The following RPH3AL variants were observed in gnomAD, a reference collection of about 807,000 sequenced individuals.
RPH3AL encodes the protein rabphilin 3A like (without C2 domains).
RPH3AL carries 38 observed loss-of-function variants against 43.1 expected under a neutral mutation model. That is an observed-to-expected ratio of 0.88 (90% CI 0.68 to 1.15). RPH3AL has a LOEUF of 1.15. Among genes scored for constraint, RPH3AL ranks in the 50% most tolerant of loss-of-function variants. RPH3AL has a pLI of 0.00. For synonymous variants in RPH3AL, 189 were observed against 176.3 expected, an observed-to-expected ratio of 1.07 and a Z score of -0.57; for missense variants, 462 against 423.2, an observed-to-expected ratio of 1.09 and a Z score of -0.81.
chr17:253,783 C>T (rs377440733), intron 6 of RPH3AL, among the ~76,000 whole-genome samples: 2,766 of 85,286 alleles, frequency 0.032, 137 homozygotes, highest in East Asian at 0.063. Flanking sequence ...AGCCGCACGG[C>T]GTCTGTCCTT....
At position 243,578 on chromosome 17, in the gene RPH3AL, A is replaced by G. The variant is rs529968082; in HGVS notation, c.613+3533T>C. On this transcript the variant is annotated intron_variant, in intron 7 of 9. Coordinates refer to ENST00000331302, the MANE Select transcript of RPH3AL (RefSeq NM_006987.4). ...ACTGATTGCCCCTCCTCTACTGATT[A>G]CCCTTCCTCTATTGATTACCCTTCC... Among the ~76,000 whole-genome samples, 54 of 114,272 alleles carry G rather than the reference A, an allele frequency of 4.7e-4. 1 individual carries two copies. Among genetic ancestry groups the G allele is most frequent in the Non-Finnish European group, 6.2e-4 (36 of 57,846 alleles). 75.0% of individuals were successfully genotyped at this position (114,272 alleles called of 152,430 possible).
intron 6 of RPH3AL, among the ~76,000 whole-genome samples, chr17:269,868 G>A (rs1272388519): frequency 2.0e-5 from 3 of 152,206 alleles, no homozygotes; most frequent in Non-Finnish European, 4.4e-5. Flanking sequence ...GTGGGCTCAG[G>A]TAGACGCCCC....
intron 5 of RPH3AL, among the ~76,000 whole-genome samples, chr17:297,388 C>A (rs1327420186): frequency 2.0e-5 from 3 of 152,238 alleles, no homozygotes; most frequent in African/African-American, 7.2e-5. Context: ...AACCCCGATT[C>A]ACAGCCAGCT....
chr17:233,989 A>C (rs75731190), intron 7 of RPH3AL, among the ~76,000 whole-genome samples: 628 of 54,484 alleles, frequency 0.012, 5 homozygotes, highest in African/African-American at 0.014. Context: ...GCGGCTACTT[A>C]CCCTGACCAA....
At position 328,180 on chromosome 17, in the gene RPH3AL, T is replaced by G. The variant is rs1598141776; in HGVS notation, c.-36-601A>C. On this transcript the variant is annotated intron_variant, in intron 2 of 9. Transcript: ENST00000331302. The surrounding 1 kb of genome is among the most constrained non-coding windows in gnomAD (Gnocchi z 4.2). ...CCGTCCATAGACACTGCCATGAAAA[T>G]GGCACCTGGGGATCCCCCAGGGAGG... Among the ~76,000 whole-genome samples, 1 of 151,148 alleles carries G rather than the reference T, an allele frequency of 6.6e-6. No individual in the cohort carries two copies. The highest frequency in any genetic ancestry group is 1.5e-5 in the Non-Finnish European group (1 of 67,860).
Position 333,540 on chromosome 17 carries a change from A to G in RPH3AL, c.-37+219T>C, listed in dbSNP as rs903260324. 4 of 307,940 alleles carry G rather than the reference A, an allele frequency of 1.3e-5. No individual in the cohort carries two copies. The highest frequency in any genetic ancestry group is 5.8e-5 in the South Asian group (2 of 34,438). The allele number at this position is 307,940 out of a possible 1,614,324, so 19.1% of individuals were successfully genotyped here. On this transcript the variant is annotated intron_variant, in intron 2 of 9. Coordinates refer to ENST00000331302, the MANE Select transcript of RPH3AL (RefSeq NM_006987.4). This position sits in a 1 kb window ranked among gnomAD's most constrained non-coding sequence, Gnocchi z 4.5. ...ACCTTGTGCTTTCCCACAGTATTAAAGTTCTTTAAAAATATGATTTTAAAC... is the reference window on the plus strand; with the variant it reads ...ACCTTGTGCTTTCCCACAGTATTAAGGTTCTTTAAAAATATGATTTTAAAC...
At chr17:235,562 C>G (rs1474066169) in intron 7 of RPH3AL, among the ~76,000 whole-genome samples, 1 of 144,988 alleles carries the variant, frequency 6.9e-6, no homozygotes, top group Non-Finnish European at 1.5e-5. Flanking sequence ...GGGTTCAAAG[C>G]TGGGGTCGGT....
chr17:291,047 G>A (rs945287395), intron 5 of RPH3AL, among the ~76,000 whole-genome samples: 6 of 152,220 alleles, frequency 3.9e-5, no homozygotes, highest in East Asian at 1.9e-4. Context: ...CAAACGTTGC[G>A]TACAAGGAGG....
In RPH3AL at chr17:333,020, C is replaced by A. The variant is rs753989403; in HGVS notation, c.-37+739G>T. On this transcript the variant is annotated intron_variant, in intron 2 of 9. Transcript: ENST00000331302. This position sits in a 1 kb window ranked among gnomAD's most constrained non-coding sequence, Gnocchi z 4.5. ...AGGCTCATCAGCCCCAGGCAACTTC[C>A]TGAGACAGATCGGTAAAAACAACCC... 6.0e-5 allele frequency: 77 copies of A among 1,288,928 alleles called. No individual in the cohort carries two copies. Among genetic ancestry groups the A allele is most frequent in the Non-Finnish European group, 5.0e-5 (49 of 988,626 alleles). The allele number at this position is 1,288,928 out of a possible 1,614,324, so 79.8% of individuals were successfully genotyped here. A position where few individuals can be genotyped will look rare whatever the true frequency, so the allele number is the denominator to read the frequency against.
At chr17:347,477 G>A (rs1159959748) in intron 1 of RPH3AL, among the ~76,000 whole-genome samples, 1 of 152,024 alleles carries the variant, frequency 6.6e-6, no homozygotes, top group Non-Finnish European at 1.5e-5. Flanking sequence ...CCAGCTCCTC[G>A]AGAGGCTGAG....
intron 5 of RPH3AL, among the ~76,000 whole-genome samples, chr17:302,393 T>A (rs923885688): frequency 2.6e-5 from 4 of 152,114 alleles, no homozygotes; most frequent in African/African-American, 9.7e-5. Flanking sequence ...ACTACGTCCG[T>A]CCTTCGATTT....
At chr17:302,495 C>G (rs4313866) in intron 5 of RPH3AL, among the ~76,000 whole-genome samples, 84,705 of 152,030 alleles carry the variant, frequency 0.56, 23,961 homozygotes, top group African/African-American at 0.64. Flanking sequence ...GTGTGCGGTG[C>G]GGGGAGGAGA....
Position 290,530 on chromosome 17 carries a change from C to A in RPH3AL, c.352-8676G>T, listed in dbSNP as rs2043023789. Among the ~76,000 whole-genome samples the A allele has an allele frequency of 6.6e-6, 1 of 152,202 alleles. No individual in the cohort carries two copies. The highest frequency in any genetic ancestry group is 2.1e-4 in the South Asian group (1 of 4,828). On this transcript the variant is annotated intron_variant, in intron 5 of 9. Coordinates refer to ENST00000331302, the MANE Select transcript of RPH3AL (RefSeq NM_006987.4). The surrounding 1 kb of genome is among the most constrained non-coding windows in gnomAD (Gnocchi z 4.2). ...GCACCTTCCTCAATGTCCTTCTTAT[C>A]CAGGGCCACTTCAGTGACATTTCTG...
Position 333,050 on chromosome 17 carries a change from T to G in RPH3AL, c.-37+709A>C, listed in dbSNP as rs1238981934. 3.9e-6 allele frequency: 5 copies of G among 1,288,902 alleles called. No individual in the cohort carries two copies. Among genetic ancestry groups the G allele is most frequent in the Non-Finnish European group, 5.1e-6 (5 of 988,700 alleles). The allele number at this position is 1,288,902 out of a possible 1,614,324, so 79.8% of individuals were successfully genotyped here. A position where few individuals can be genotyped will look rare whatever the true frequency, so the allele number is the denominator to read the frequency against. On this transcript the variant is annotated intron_variant, in intron 2 of 9. Transcript: ENST00000331302. The surrounding 1 kb of genome is among the most constrained non-coding windows in gnomAD (Gnocchi z 4.5). ...ACAGATCGGTAAAAACAACCCCTTC[T>G]TCCAGGAGGATGCAATTCTCTCTCT...
rs114802847 is a variant in RPH3AL at position 239,394 on chromosome 17, T to C, written c.613+7717A>G. On this transcript the variant is annotated intron_variant, in intron 7 of 9. Coordinates refer to ENST00000331302, the MANE Select transcript of RPH3AL (RefSeq NM_006987.4). ...GCACCAGCTCCAGTTATGAGATAGGTCTGTTAGCTTCTCATTAAGTTGAAA... is the reference window on the plus strand; with the variant it reads ...GCACCAGCTCCAGTTATGAGATAGGCCTGTTAGCTTCTCATTAAGTTGAAA... Among the ~76,000 whole-genome samples, 1,343 of 152,322 alleles carry C rather than the reference T, an allele frequency of 8.8e-3. 19 individuals carry two copies. Among genetic ancestry groups the C allele is most frequent in the African/African-American group, 0.03 (1,237 of 41,570 alleles).
At chr17:293,443 G>A (rs1164155529) in intron 5 of RPH3AL, among the ~76,000 whole-genome samples, 4 of 151,134 alleles carry the variant, frequency 2.6e-5, no homozygotes, top group Non-Finnish European at 5.9e-5. Context: ...GTATTCAGAC[G>A]AGATGAAGCC....
rs2044665705 is a variant in RPH3AL at position 328,311 on chromosome 17, C to A, written c.-36-732G>T. On this transcript the variant is annotated intron_variant, in intron 2 of 9. Transcript: ENST00000331302. The surrounding 1 kb of genome is among the most constrained non-coding windows in gnomAD (Gnocchi z 4.2). ...GATTGTCTTTGGTGGTCTGAGGATG[C>A]CACGCGTGCATTCTGAAGGGAGTGT... Among the ~76,000 whole-genome samples the A allele has an allele frequency of 6.6e-6, 1 of 151,382 alleles. No homozygotes were observed. Among genetic ancestry groups the A allele is most frequent in the African/African-American group, 2.4e-5 (1 of 41,104 alleles).
At chr17:331,447 AGGAGAATTCAG>A in intron 2 of RPH3AL, 1 of 659,824 alleles carries the variant, frequency 1.5e-6, no homozygotes. Context: ...ATGAGGACCC[AGGAGAATTCAG>A]GCCCCGGCTC....
chr17:319,407 A>G lies in RPH3AL; in HGVS notation c.351+13T>C, dbSNP rs1598121795. 1 of 1,610,376 alleles carries G rather than the reference A, an allele frequency of 6.2e-7. No individual in the cohort carries two copies. Among genetic ancestry groups the G allele is most frequent in the African/African-American group, 1.3e-5 (1 of 75,060 alleles). ...TGGGAAGCCAGAATGACAGGGCCAG[A>G]GCAGGGTCTTACCTTCCTGCAGTCT... On this transcript the variant is annotated intron_variant, in intron 5 of 9. Transcript: ENST00000331302.
Sources: gnomAD v4.1 joint callset for allele counts (sites outside exome capture counted in the v4.1 genomes callset) on GRCh38, gnomAD v4.1.1 for gene constraint, Gnocchi (gnomAD v3.1) non-coding constraint, MANE v1.5 for transcripts, NCBI Gene and HGNC (gene_info 2026-07-23, HGNC 2026-07-21) for gene names.